The following SEMA5B variants were observed in gnomAD, a reference collection of about 807,000 sequenced individuals.
SEMA5B encodes semaphorin 5B, also known as semaphorin-5B.
SEMA5B carries 66 observed loss-of-function variants against 135.0 expected under a neutral mutation model. The observed-to-expected ratio is 0.49, with a 90% CI of 0.40 to 0.60. The LOEUF is 0.60. Among genes scored for constraint, SEMA5B ranks in the 20% least tolerant of loss-of-function variants. The pLI is 0.00. For synonymous variants in SEMA5B, 690 were observed against 639.5 expected (o/e 1.08, Z -1.19); for missense variants, 1,501 against 1,566.3 (o/e 0.96, Z 0.70).
chr3:123,025,962 A>G (rs1031423567), intron 1 of SEMA5B, among the ~76,000 whole-genome samples: 3 of 152,144 alleles, frequency 2.0e-5, no homozygotes, highest in African/African-American at 7.2e-5. Flanking sequence ...CCCTTCCTCA[A>G]GGTCATCTGT....
At chr3:122,917,332 C>T (rs980900027) in intron 12 of SEMA5B, among the ~76,000 whole-genome samples, 69 of 152,248 alleles carry the variant, frequency 4.5e-4, no homozygotes, top group African/African-American at 1.5e-3. Flanking sequence ...TGGAGCCTGG[C>T]GGGGAGTTCA....
chr3:122,997,629 C>T (rs555375853), intron 1 of SEMA5B, among the ~76,000 whole-genome samples: 4 of 152,098 alleles, frequency 2.6e-5, no homozygotes, highest in Admixed American at 2.6e-4. Context: ...AGGGCAGGAC[C>T]CAGACAAATG....
At chr3:123,024,970 G>T (rs1942766107) in intron 1 of SEMA5B, among the ~76,000 whole-genome samples, 1 of 152,160 alleles carries the variant, frequency 6.6e-6, no homozygotes, top group Non-Finnish European at 1.5e-5. Context: ...TGCTTCCCCT[G>T]ACATGGACAA....
chr3:122,976,704 A>G (rs7624272), intron 1 of SEMA5B, among the ~76,000 whole-genome samples: 25,199 of 152,148 alleles, frequency 0.17, 3,550 homozygotes, highest in African/African-American at 0.4. Flanking sequence ...GATGCATTTC[A>G]AAGTAAGTTG....
Position 122,913,551 on chromosome 3 carries a change from A to G in SEMA5B, c.2263T>C (p.Cys755Arg). The G allele has an allele frequency of 2.5e-6, 4 of 1,612,530 alleles. No homozygotes were observed. The highest frequency in any genetic ancestry group is 3.4e-6 in the Non-Finnish European group (4 of 1,179,814). The change falls in exon 16 of 23, where the codon TGC (cysteine) becomes CGC (arginine). Residue 755 changes from cysteine (C) to arginine (R), a missense_variant. Cys to Arg is a radical substitution (Grantham distance 180, BLOSUM62 -3). Coordinates refer to ENST00000357599, the MANE Select transcript of SEMA5B (RefSeq NM_001031702.4). Reference sequence around the variant, plus strand: ...ACCCTCACCACGCCGCAGCCCAGGCAGGAGTTGCCGTTCTCGCAGGCCCGA... The same window carrying G: ...ACCCTCACCACGCCGCAGCCCAGGCGGGAGTTGCCGTTCTCGCAGGCCCGA... ...RRRACENGNSCLGCGVEFKTC... is the reference protein window; with the variant it reads ...RRRACENGNSRLGCGVEFKTC...
intron 2 of SEMA5B, among the ~76,000 whole-genome samples, chr3:122,954,437 G>C (rs1940191405): frequency 6.6e-6 from 1 of 152,232 alleles, no homozygotes; most frequent in Admixed American, 6.5e-5. Flanking sequence ...TGTCAGACTA[G>C]GAGTTGCCAA....
At chr3:122,927,486 C>A (rs1056409885) in intron 8 of SEMA5B, among the ~76,000 whole-genome samples, 1 of 152,184 alleles carries the variant, frequency 6.6e-6, no homozygotes, top group African/African-American at 2.4e-5. Context: ...AGCCACTATA[C>A]CTGGCCCCGT....
intron 2 of SEMA5B, among the ~76,000 whole-genome samples, chr3:122,955,456 A>G (rs912736521): frequency 6.6e-6 from 1 of 152,236 alleles, no homozygotes; most frequent in Admixed American, 6.5e-5. Flanking sequence ...TCTCAATTAT[A>G]TTAACTAAAT....
At chr3:123,007,901 G>A (rs1560439169) in intron 1 of SEMA5B, among the ~76,000 whole-genome samples, 1 of 152,196 alleles carries the variant, frequency 6.6e-6, no homozygotes, top group Non-Finnish European at 1.5e-5. Context: ...CTCCAATATA[G>A]TATAATTCCA....
At position 122,963,699 on chromosome 3, in the gene SEMA5B, GAGC is replaced by G. The variant is rs1270624180; in HGVS notation, c.-38-2401_-38-2399del. Among the ~76,000 whole-genome samples the G allele has an allele frequency of 3.3e-5, 5 of 152,146 alleles. No individual in the cohort carries two copies. The East Asian group carries it at 5.8e-4, about 18-fold the overall frequency. On this transcript the variant is annotated intron_variant, in intron 1 of 22. Transcript: ENST00000357599. ...GACAGAGAACACGGGGCATCGGGAGGAGCAGAACATTTGACTCCCTTGGCTTTC... is the reference window on the plus strand; with the variant it reads ...GACAGAGAACACGGGGCATCGGGAGGAGAACATTTGACTCCCTTGGCTTTC...
rs140115203 is a variant in SEMA5B, at chr3:122,997,280, A to G, written c.-39+30184T>C. Among the ~76,000 whole-genome samples, 895 of 151,558 alleles carry G rather than the reference A, an allele frequency of 5.9e-3. 9 individuals are homozygous for G. The highest frequency in any genetic ancestry group is 0.02 in the African/African-American group (840 of 41,304). On this transcript the variant is annotated intron_variant, in intron 1 of 22. Transcript: ENST00000357599. ...ACACCTGTGTTCTGCTCTCTTTCTC[A>G]TGTCTTTCTTCACCTCCCCTCTCCT... is the stretch of plus-strand genomic sequence containing the variant.
At chr3:122,911,420 G>C in intron 21 of SEMA5B, 71 bp downstream of exon 21, 2 of 1,571,898 alleles carry the variant, frequency 1.3e-6, no homozygotes, top group South Asian at 2.3e-5. Flanking sequence ...TGTGGAAAGA[G>C]TCCAGACTTT....
In SEMA5B at chr3:122,927,883, T is replaced by C. The variant is rs766223330; in HGVS notation, c.757A>G (p.Ile253Val). ...SQGELYAATVIDFSGRDPAIY... is the reference protein window; with the variant it reads ...SQGELYAATVVDFSGRDPAIY... ...GCAGGGTCCCGACCTGAGAAGTCGATGACCGTGGCTGCATAGAGCTCCCCC... is the reference window on the plus strand; with the variant it reads ...GCAGGGTCCCGACCTGAGAAGTCGACGACCGTGGCTGCATAGAGCTCCCCC... Residue 253 changes from isoleucine (I) to valine (V), a missense_variant, in exon 8 of 23, where the codon ATC (isoleucine) becomes GTC (valine). Ile to Val is a conservative substitution (Grantham distance 29). Transcript: ENST00000357599. 3.1e-6 allele frequency: 5 copies of C among 1,596,098 alleles called. No homozygotes were observed. In the Admixed American group the frequency reaches 8.6e-5, roughly 28 times the overall value.
chr3:122,991,755 T>A (rs959582754), intron 1 of SEMA5B, among the ~76,000 whole-genome samples: 13 of 151,490 alleles, frequency 8.6e-5, no homozygotes, highest in African/African-American at 2.9e-4. Context: ...TGCACCAGAG[T>A]TGTGCCACAC....
intron 2 of SEMA5B, among the ~76,000 whole-genome samples, chr3:122,953,217 T>C (rs952996640): frequency 2.0e-5 from 3 of 152,092 alleles, no homozygotes; most frequent in Non-Finnish European, 4.4e-5. Context: ...CCCCTCACTC[T>C]TTCCCACCCT....
intron 1 of SEMA5B, among the ~76,000 whole-genome samples, chr3:122,968,606 G>C (rs1940975175): frequency 6.6e-6 from 1 of 152,080 alleles, no homozygotes. Context: ...AGAAATGAAA[G>C]GGCAGTGGAA....
At chr3:123,006,556 C>T (rs1307713419) in intron 1 of SEMA5B, among the ~76,000 whole-genome samples, 1 of 152,198 alleles carries the variant, frequency 6.6e-6, no homozygotes. Flanking sequence ...TGGTGCTGCC[C>T]TGAGTGCTGA....
intron 1 of SEMA5B, among the ~76,000 whole-genome samples, chr3:123,019,147 G>T (rs766020879): frequency 3.9e-5 from 6 of 152,190 alleles, no homozygotes; most frequent in Admixed American, 6.5e-5. Flanking sequence ...CAAGCCAAGA[G>T]TTAACACCAA....
chr3:122,949,428 A>G (rs192208070), intron 2 of SEMA5B, among the ~76,000 whole-genome samples: 1 of 152,376 alleles, frequency 6.6e-6, no homozygotes, highest in Non-Finnish European at 1.5e-5. Context: ...ATCTGACCTA[A>G]CAGACTCCAT....
Sources: gnomAD v4.1 joint callset for allele counts (sites outside exome capture counted in the v4.1 genomes callset) on GRCh38, gnomAD v4.1.1 for gene constraint, MANE v1.5 for transcripts, NCBI Gene and HGNC (gene_info 2026-07-23, HGNC 2026-07-21) for gene names.